SSBP3: variants seen among roughly 807,000 people sequenced by gnomAD.
SSBP3 encodes single stranded DNA binding protein 3, also known as single-stranded DNA-binding protein 3.
A neutral mutation model predicts 69.6 loss-of-function variants in SSBP3; 5 were observed. The observed-to-expected ratio is 0.07, with a 90% CI of 0.04 to 0.15. The LOEUF is 0.15. Among genes scored for constraint, SSBP3 ranks in the 10% least tolerant of loss-of-function variants. The pLI, the probability that SSBP3 is intolerant of heterozygous loss-of-function variation, is 1.00. For missense variants in SSBP3, 312 were observed against 534.0 expected, an observed-to-expected ratio of 0.58 and a Z score of 4.10; for synonymous variants, 196 against 193.4, an observed-to-expected ratio of 1.01 and a Z score of -0.11.
chr1:54,376,936 C>T (rs912832017), intron 4 of SSBP3, among the ~76,000 whole-genome samples: 3 of 152,102 alleles, frequency 2.0e-5, no homozygotes, highest in African/African-American at 4.8e-5. Flanking sequence ...ACACAAAGAG[C>T]CTGGCCCCTC....
intron 4 of SSBP3, among the ~76,000 whole-genome samples, chr1:54,301,776 G>A (rs558981623): frequency 3.9e-5 from 6 of 152,258 alleles, no homozygotes; most frequent in African/African-American, 1.2e-4. Flanking sequence ...ACCACCCTAG[G>A]TTCCGGGGCC....
chr1:54,256,781 C>A (rs1644929727), intron 7 of SSBP3, among the ~76,000 whole-genome samples: 1 of 152,188 alleles, frequency 6.6e-6, no homozygotes, highest in Admixed American at 6.5e-5. Flanking sequence ...AGGAGGAAGA[C>A]CCTCTTCCAA....
At chr1:54,239,512 A>ACCACCACCTGTGCTCTCCTC (rs937890997) in intron 13 of SSBP3, among the ~76,000 whole-genome samples, 49 of 152,216 alleles carry the variant, frequency 3.2e-4, no homozygotes, top group African/African-American at 1.2e-3. Context: ...GGGCAGCAGA[A>ACCACCACCTGTGCTCTCCTC]CCACCACCTG....
At chr1:54,402,512 C>T (rs549528454) in intron 3 of SSBP3, among the ~76,000 whole-genome samples, 12 of 152,134 alleles carry the variant, frequency 7.9e-5, no homozygotes, top group African/African-American at 2.9e-4. Context: ...CTCCACCCTT[C>T]CCACCTCACC....
At chr1:54,302,289 A>C (rs1449476497) in intron 4 of SSBP3, among the ~76,000 whole-genome samples, 1 of 151,878 alleles carries the variant, frequency 6.6e-6, no homozygotes, top group African/African-American at 2.4e-5. Context: ...ATACCTGCTC[A>C]ATGAATGTAG....
At chr1:54,295,390 G>GGGTACTA (rs1645686917) in intron 4 of SSBP3, among the ~76,000 whole-genome samples, 1 of 152,150 alleles carries the variant, frequency 6.6e-6, no homozygotes, top group South Asian at 2.1e-4. Flanking sequence ...TAGTCCAAGT[G>GGGTACTA]GGTACTAAAG....
intron 4 of SSBP3, among the ~76,000 whole-genome samples, chr1:54,369,772 C>T (rs765338595): frequency 4.6e-5 from 7 of 151,926 alleles, no homozygotes; most frequent in African/African-American, 7.2e-5. Flanking sequence ...ATCAGATACT[C>T]AGACTCACCA....
At chr1:54,234,966 A>G (rs1408082107) in intron 14 of SSBP3, among the ~76,000 whole-genome samples, 1 of 152,212 alleles carries the variant, frequency 6.6e-6, no homozygotes, top group Non-Finnish European at 1.5e-5. Flanking sequence ...AAAACGGAAT[A>G]TAGTCAAACT....
chr1:54,252,549 T>G (rs1570266240), intron 7 of SSBP3, among the ~76,000 whole-genome samples: 1 of 74,250 alleles, frequency 1.3e-5, no homozygotes. Context: ...GAGGGACAGG[T>G]GGCCACTAGG....
At chr1:54,359,171 CAG>C (rs1351616551) in intron 4 of SSBP3, among the ~76,000 whole-genome samples, 1 of 117,830 alleles carries the variant, frequency 8.5e-6, no homozygotes, top group Non-Finnish European at 1.7e-5. Flanking sequence ...ATGGGAAGAA[CAG>C]AGACATATAT....
chr1:54,244,872 C>T (rs1465427709), intron 9 of SSBP3, among the ~76,000 whole-genome samples: 1 of 152,118 alleles, frequency 6.6e-6, no homozygotes, highest in Non-Finnish European at 1.5e-5. Flanking sequence ...GCCTTCTAAC[C>T]TCCCTCCCCC....
chr1:54,391,980 T>C (rs1557588474), intron 4 of SSBP3, among the ~76,000 whole-genome samples: 1 of 151,574 alleles, frequency 6.6e-6, no homozygotes, highest in South Asian at 2.1e-4. Context: ...GAGAGCCACA[T>C]GGACTCCGCT....
intron 4 of SSBP3, among the ~76,000 whole-genome samples, chr1:54,284,718 C>G (rs1231066444): frequency 6.6e-6 from 1 of 152,126 alleles, no homozygotes; most frequent in African/African-American, 2.4e-5. Context: ...ATCCTGCCAC[C>G]TCAGCCCCCA....
intron 4 of SSBP3, among the ~76,000 whole-genome samples, chr1:54,306,461 G>A (rs571447371): frequency 3.9e-4 from 60 of 152,262 alleles, no homozygotes; most frequent in Admixed American, 2.6e-4. Flanking sequence ...TAAAAAGCCC[G>A]GCCACACTGC....
intron 4 of SSBP3, among the ~76,000 whole-genome samples, chr1:54,349,500 T>G (rs889422797): frequency 1.3e-5 from 2 of 152,172 alleles, no homozygotes; most frequent in Non-Finnish European, 2.9e-5. Context: ...CCTTGGCCCA[T>G]ATCCTGGGAA....
At chr1:54,319,015 C>T (rs756394527) in intron 4 of SSBP3, among the ~76,000 whole-genome samples, 2 of 152,076 alleles carry the variant, frequency 1.3e-5, no homozygotes, top group Non-Finnish European at 2.9e-5. Flanking sequence ...ATTCTTTGGC[C>T]GAATCCTTAG....
chr1:54,299,677 C>A (rs1645766587), intron 4 of SSBP3, among the ~76,000 whole-genome samples: 1 of 152,226 alleles, frequency 6.6e-6, no homozygotes, highest in Non-Finnish European at 1.5e-5. Flanking sequence ...AGGTTCCACA[C>A]AACCACCCCA....
intron 4 of SSBP3, among the ~76,000 whole-genome samples, chr1:54,327,217 AAAGGAAGGAAGGAAGGAAGGAAGGAAGG>A (rs55892071): frequency 3.1e-4 from 41 of 134,164 alleles, no homozygotes; most frequent in Admixed American, 2.0e-3. Context: ...AAGAGAGGGA[AAAGGAAGGAAGGAAGGAAGGAAGGAAGG>A]AAGGAAGGAA....
chr1:54,247,370 G>A (rs186560654), intron 9 of SSBP3, among the ~76,000 whole-genome samples: 1 of 152,222 alleles, frequency 6.6e-6, no homozygotes, highest in Non-Finnish European at 1.5e-5. Context: ...ATTTGAGGCT[G>A]TCCCAGCCAT....
Sources: gnomAD v4.1 joint callset for allele counts (sites outside exome capture counted in the v4.1 genomes callset) on GRCh38, gnomAD v4.1.1 for gene constraint, MANE v1.5 for transcripts, NCBI Gene and HGNC (gene_info 2026-07-23, HGNC 2026-07-21) for gene names.